Variants in VPS45 observed in about 807,000 individuals in gnomAD.
VPS45 encodes vacuolar protein sorting-associated protein 45.
Under a neutral mutation model 75.9 loss-of-function variants are expected in VPS45, and 35 were observed. The observed-to-expected ratio is 0.46, with a 90% CI of 0.35 to 0.61. The LOEUF (loss-of-function observed/expected upper bound fraction) is 0.61, where lower values mean the gene tolerates loss of function less well. Ranked by LOEUF, VPS45 falls within the 20% of genes least tolerant of loss-of-function variation. The probability of loss-of-function intolerance (pLI) is 0.00; values close to 1 mark genes in which losing one functional copy is unlikely to be tolerated. For missense variants in VPS45, 559 were observed against 685.9 expected, an observed-to-expected ratio of 0.81 and a Z score of 2.07; for synonymous variants, 220 against 238.2, an observed-to-expected ratio of 0.92 and a Z score of 0.70.
intron 13 of VPS45, among the ~76,000 whole-genome samples, chr1:150,095,614 CAAA>C (rs782156604): frequency 6.9e-6 from 1 of 144,482 alleles, no homozygotes. Flanking sequence ...GACCCCATCT[CAAA>C]AAAAAAAAAG....
intron 14 of VPS45, chr1:150,142,849 C>T (rs1553815625): frequency 4.4e-6 from 2 of 451,062 alleles, no homozygotes; most frequent in African/African-American, 4.0e-5. Flanking sequence ...GATGGGGTTT[C>T]ACTATGTTCC....
At chr1:150,101,536 C>T (rs1215152924) in intron 13 of VPS45, among the ~76,000 whole-genome samples, 1 of 151,552 alleles carries the variant, frequency 6.6e-6, no homozygotes, top group Admixed American at 6.6e-5. Context: ...GAGTTCGAGA[C>T]CAGCCTGGCC....
chr1:150,085,984 C>T (rs1378184167), intron 10 of VPS45, among the ~76,000 whole-genome samples: 2 of 152,040 alleles, frequency 1.3e-5, no homozygotes, highest in Non-Finnish European at 2.9e-5. Flanking sequence ...CTATACCCTG[C>T]CCCCCATGCC....
intron 14 of VPS45, among the ~76,000 whole-genome samples, chr1:150,121,880 G>T (rs1553809650): frequency 6.6e-6 from 1 of 152,048 alleles, no homozygotes; most frequent in African/African-American, 2.4e-5. Flanking sequence ...TTAACAAATA[G>T]GTATATTTTA....
intron 13 of VPS45, among the ~76,000 whole-genome samples, chr1:150,103,219 GA>G (rs1657136378): frequency 6.6e-6 from 1 of 152,124 alleles, no homozygotes; most frequent in South Asian, 2.1e-4. Flanking sequence ...TGCATACAAA[GA>G]ATTGAACTTG....
intron 13 of VPS45, among the ~76,000 whole-genome samples, chr1:150,107,975 G>A (rs1180359192): frequency 6.6e-6 from 1 of 152,106 alleles, no homozygotes; most frequent in Non-Finnish European, 1.5e-5. Flanking sequence ...GTGTGAGCTG[G>A]CTTATGCTTT....
chr1:150,130,356 T>A (rs1307354954), intron 14 of VPS45, among the ~76,000 whole-genome samples: 1 of 151,814 alleles, frequency 6.6e-6, no homozygotes, highest in Non-Finnish European at 1.5e-5. Flanking sequence ...GCCCAACTAA[T>A]TTTTATATTT....
intron 14 of VPS45, among the ~76,000 whole-genome samples, chr1:150,129,181 G>A (rs1553811625): frequency 6.6e-6 from 1 of 152,126 alleles, no homozygotes; most frequent in Admixed American, 6.6e-5. Flanking sequence ...ATGAAGACAT[G>A]TTCTGTATCT....
In VPS45 at chr1:150,091,920, G is replaced by C; in HGVS notation, c.1105-17G>C. ...TCAAGTGAAAGGGGGATAAATATAA[G>C]TTCTATCTTTCTTCAGAATATAAAA... On this transcript the variant is annotated splice_polypyrimidine_tract_variant and intron_variant, in intron 10 of 14. Coordinates refer to ENST00000644510, the MANE Select transcript of VPS45 (RefSeq NM_007259.5). 3 of 1,609,918 alleles carry C rather than the reference G, an allele frequency of 1.9e-6. No individual in the cohort carries two copies. Among genetic ancestry groups the C allele is most frequent in the Non-Finnish European group, 2.5e-6 (3 of 1,178,458 alleles).
intron 2 of VPS45, 119 bp downstream of exon 2, chr1:150,068,883 G>T: frequency 3.6e-6 from 4 of 1,099,188 alleles, no homozygotes; most frequent in East Asian, 5.4e-5. Flanking sequence ...AATTATCCTG[G>T]TTCATCAGTG....
intron 14 of VPS45, among the ~76,000 whole-genome samples, chr1:150,123,523 T>C (rs1212470143): frequency 6.6e-6 from 1 of 152,214 alleles, no homozygotes; most frequent in African/African-American, 2.4e-5. Context: ...TCACCTGCAA[T>C]AAACTGAGCC....
At chr1:150,131,741 G>C (rs1334687601) in intron 14 of VPS45, among the ~76,000 whole-genome samples, 1 of 151,416 alleles carries the variant, frequency 6.6e-6, no homozygotes. Flanking sequence ...AGCTACTTGG[G>C]AGACTCAGGC....
chr1:150,120,760 A>T (rs1309399734), intron 14 of VPS45, among the ~76,000 whole-genome samples: 4 of 151,680 alleles, frequency 2.6e-5, no homozygotes, highest in African/African-American at 7.3e-5. Flanking sequence ...TGTAATTGTG[A>T]TTATCTTTGT....
At chr1:150,080,624 A>G (rs1421483862) in intron 7 of VPS45, among the ~76,000 whole-genome samples, 1 of 152,256 alleles carries the variant, frequency 6.6e-6, no homozygotes, top group Non-Finnish European at 1.5e-5. Context: ...CTAGATGCAG[A>G]AGGGAACATG....
chr1:150,136,571 A>C (rs587615879), intron 14 of VPS45, among the ~76,000 whole-genome samples: 4 of 152,148 alleles, frequency 2.6e-5, no homozygotes, highest in South Asian at 2.1e-4. Flanking sequence ...AACAAACAAA[A>C]AAAATTGAAA....
chr1:150,085,106 CACT>C (rs1655934835), intron 10 of VPS45, among the ~76,000 whole-genome samples: 1 of 152,058 alleles, frequency 6.6e-6, no homozygotes, highest in Non-Finnish European at 1.5e-5. Flanking sequence ...CTTTAAACAA[CACT>C]ACTAATAGTA....
chr1:150,079,112 C>CAAAAA lies in VPS45; in HGVS notation c.687+1344_687+1348dup, dbSNP rs11301300. ...GGCAACGAGAGCGAAACTCTTGTCT[C>CAAAAA]AAAAAAAAAAAAAAACACTCAAAAG... On this transcript the variant is annotated intron_variant, in intron 7 of 14. Transcript: ENST00000644510. Among the ~76,000 whole-genome samples, 4 of 135,340 alleles carry CAAAAA rather than the reference C, an allele frequency of 3.0e-5. 1 individual carries two copies. Among genetic ancestry groups the CAAAAA allele is most frequent in the South Asian group, 2.4e-4 (1 of 4,252 alleles). 88.8% of individuals were successfully genotyped at this position (135,340 alleles called of 152,430 possible). A position where few individuals can be genotyped will look rare whatever the true frequency, so the allele number is the denominator to read the frequency against.
intron 14 of VPS45, among the ~76,000 whole-genome samples, chr1:150,118,347 AG>A (rs1231785452): frequency 2.0e-5 from 3 of 152,000 alleles, no homozygotes; most frequent in Non-Finnish European, 4.4e-5. Flanking sequence ...AGTAGAAAAA[AG>A]AAAAAAAAAT....
rs373074422 is a variant in VPS45, at chr1:150,144,783, C to A, written c.1700C>A (p.Ala567Glu). The A allele has an allele frequency of 1.9e-6, 3 of 1,614,142 alleles. No individual in the cohort carries two copies. Among genetic ancestry groups the A allele is most frequent in the Admixed American group, 1.7e-5 (1 of 60,008 alleles). Reference protein sequence around the residue: ...KESSQVTSRSASRR With the variant: ...KESSQVTSRSESRR ...AGCTCTCAAGTCACATCAAGGTCAG[C>A]GAGCAGAAGATGAAACGGTGGTTGG... is the stretch of plus-strand genomic sequence containing the variant. Residue 567 changes from alanine (A) to glutamate (E), a missense_variant, in exon 15 of 15, where the codon GCG becomes GAG. Transcript: ENST00000644510.
Sources: allele counts gnomAD v4.1 joint callset (sites outside exome capture counted in the v4.1 genomes callset), GRCh38; gene constraint gnomAD v4.1.1; transcripts MANE v1.5; gene names NCBI Gene and HGNC (gene_info 2026-07-23, HGNC 2026-07-21).